Variants in TSG101 observed in about 807,000 individuals in gnomAD.
TSG101 encodes the protein tumor susceptibility gene 101 protein.
A neutral mutation model predicts 48.5 loss-of-function variants in TSG101; 19 were observed. The observed-to-expected ratio is 0.39, with a 90% CI of 0.27 to 0.58. The LOEUF (loss-of-function observed/expected upper bound fraction) is 0.58. Among genes scored for constraint, TSG101 ranks in the 20% least tolerant of loss-of-function variants. TSG101 has a pLI of 0.55. For missense variants in TSG101, 365 were observed against 484.4 expected, an observed-to-expected ratio of 0.75 and a Z score of 2.31; for synonymous variants, 174 against 169.4, an observed-to-expected ratio of 1.03 and a Z score of -0.21.
intron 7 of TSG101, among the ~76,000 whole-genome samples, chr11:18,492,146 T>C (rs1322197691): frequency 6.6e-6 from 1 of 152,230 alleles, no homozygotes; most frequent in Non-Finnish European, 1.5e-5. Flanking sequence ...AAGGCTGCAT[T>C]AGCAAAAGGA....
chr11:18,513,418 C>T (rs1477427705), intron 4 of TSG101, among the ~76,000 whole-genome samples: 1 of 152,036 alleles, frequency 6.6e-6, no homozygotes, highest in Non-Finnish European at 1.5e-5. Flanking sequence ...ACCTTAGCCT[C>T]CTGAGTAGCT....
chr11:18,488,350 T>C (rs1849650150), intron 7 of TSG101, among the ~76,000 whole-genome samples: 1 of 151,978 alleles, frequency 6.6e-6, no homozygotes, highest in East Asian at 1.9e-4. Flanking sequence ...ATGTTAAAGG[T>C]AGAGGGGTGA....
chr11:18,487,447 T>A (rs1344590527), intron 7 of TSG101, among the ~76,000 whole-genome samples: 1 of 152,004 alleles, frequency 6.6e-6, no homozygotes, highest in Non-Finnish European at 1.5e-5. Context: ...TTAGAAAAAA[T>A]GTAAAATGCA....
At position 18,520,139 on chromosome 11, in the gene TSG101, C is replaced by G. The variant is rs150568158; in HGVS notation, c.43-536G>C. 5.9e-3 allele frequency among the ~76,000 whole-genome samples: 900 copies of G among 152,322 alleles called. 9 individuals are homozygous for G. The highest frequency in any genetic ancestry group is 0.021 in the African/African-American group (868 of 41,556). On this transcript the variant is annotated intron_variant, in intron 1 of 9. Transcript: ENST00000251968. The stretch of plus-strand genomic sequence containing the variant: ...CTTTGTCTCTACAGATTTGCTTATT[C>G]ATACAATGTGATCTTTCATGACTAA...
intron 4 of TSG101, among the ~76,000 whole-genome samples, chr11:18,509,922 T>C (rs1478291118): frequency 6.6e-6 from 1 of 152,202 alleles, no homozygotes; most frequent in Non-Finnish European, 1.5e-5. Context: ...TAGAGTTTTG[T>C]TCTTCATTTG....
intron 5 of TSG101, 32 bp from the exon 6 acceptor site, chr11:18,506,955 A>C: frequency 6.4e-7 from 1 of 1,573,654 alleles, no homozygotes; most frequent in Non-Finnish European, 8.7e-7. Context: ...TTGTAAAAAT[A>C]ATATACAAGG....
chr11:18,505,994 T>G (rs1849965842), intron 6 of TSG101, among the ~76,000 whole-genome samples: 1 of 152,072 alleles, frequency 6.6e-6, no homozygotes, highest in African/African-American at 2.4e-5. Flanking sequence ...ATTTTGTATT[T>G]TTAGTAGAGA....
In TSG101 at chr11:18,514,752, T is replaced by C; in HGVS notation, c.283A>G (p.Met95Val). 1 of 1,597,686 alleles carries C rather than the reference T, an allele frequency of 6.3e-7. No homozygotes were observed. The highest frequency in any genetic ancestry group is 8.5e-7 in the Non-Finnish European group (1 of 1,174,578). Residue 95 changes from methionine (M) to valine (V), a missense_variant, in exon 4 of 10, where the codon ATG becomes GTG. Coordinates refer to ENST00000251968, the MANE Select transcript of TSG101 (RefSeq NM_006292.4). ...PICFVKPTSS[M>V]TIKTGKHVDA... ...ACATGCTTTCCTGTTTTAATAGTCA[T>C]TGAACTAGTAGGCTTAACAAAACAG...
At chr11:18,489,228 T>C (rs1849664277) in intron 7 of TSG101, among the ~76,000 whole-genome samples, 2 of 139,728 alleles carry the variant, frequency 1.4e-5, no homozygotes, top group South Asian at 4.4e-4. Flanking sequence ...CATCATTCTA[T>C]TTTTTTTTTT....
chr11:18,492,650 G>A (rs567798750), intron 7 of TSG101, among the ~76,000 whole-genome samples: 67 of 151,884 alleles, frequency 4.4e-4, no homozygotes, highest in Non-Finnish European at 7.9e-4. Context: ...GGCCTATAAA[G>A]GTCACAGTTC....
At chr11:18,521,745 C>T (rs796750031) in intron 1 of TSG101, among the ~76,000 whole-genome samples, 2 of 131,272 alleles carry the variant, frequency 1.5e-5, no homozygotes, top group South Asian at 5.1e-4. Flanking sequence ...GGTGTGATCT[C>T]AGTTCACTGC....
chr11:18,512,896 T>C (rs1410513538), intron 4 of TSG101, among the ~76,000 whole-genome samples: 1 of 151,778 alleles, frequency 6.6e-6, no homozygotes, highest in Non-Finnish European at 1.5e-5. Flanking sequence ...CCTGGCTAAT[T>C]TTTATATTTT....
chr11:18,526,736 G>GA, intron 1 of TSG101, 39 bp downstream of exon 1: 1 of 1,593,370 alleles, frequency 6.3e-7, no homozygotes, highest in Non-Finnish European at 8.5e-7. Flanking sequence ...GAAGGGAGCG[G>GA]TGGGCGCGCC....
chr11:18,486,696 G>A (rs534503801), intron 7 of TSG101, among the ~76,000 whole-genome samples: 42 of 151,718 alleles, frequency 2.8e-4, no homozygotes, highest in Non-Finnish European at 5.3e-4. Flanking sequence ...CAACCATTGT[G>A]GAAGTCAGTG....
chr11:18,521,782 T>C (rs1850282715), intron 1 of TSG101, among the ~76,000 whole-genome samples: 1 of 140,162 alleles, frequency 7.1e-6, no homozygotes, highest in Admixed American at 7.9e-5. Context: ...GCTCAAGCAA[T>C]CCTCCCATCT....
intron 7 of TSG101, among the ~76,000 whole-genome samples, chr11:18,486,931 T>C (rs1436170146): frequency 1.3e-5 from 2 of 151,802 alleles, no homozygotes; most frequent in East Asian, 3.9e-4. Context: ...TGGAATACTA[T>C]GCAGCCATAA....
At chr11:18,522,118 T>C (rs1025113016) in intron 1 of TSG101, among the ~76,000 whole-genome samples, 13 of 152,250 alleles carry the variant, frequency 8.5e-5, no homozygotes, top group African/African-American at 2.7e-4. Flanking sequence ...GGCTAAGTCC[T>C]TGGTCTTCTT....
In TSG101 at chr11:18,519,419, A is replaced by G. The variant is rs1205626658; in HGVS notation, c.127+100T>C. The G allele has an allele frequency of 7.2e-6, 7 of 971,626 alleles. No homozygotes were observed. In the East Asian group the frequency reaches 1.5e-4, roughly 21 times the overall value. The allele number at this position is 971,626 out of a possible 1,614,324, so 60.2% of individuals were successfully genotyped here. A position where few individuals can be genotyped will look rare whatever the true frequency, so the allele number is the denominator to read the frequency against. ...TATTAGGCGGTGGTGCAATCCCACA[A>G]TTGAAAAATCCACAAACCTCAAATG... is the stretch of plus-strand genomic sequence containing the variant. On this transcript the variant is annotated intron_variant, in intron 2 of 9. Coordinates refer to ENST00000251968, the MANE Select transcript of TSG101 (RefSeq NM_006292.4).
intron 7 of TSG101, chr11:18,490,406 CT>C: frequency 5.1e-6 from 3 of 591,228 alleles, no homozygotes; most frequent in Non-Finnish European, 6.5e-6. Context: ...GGCTGCAGGC[CT>C]TTTCAGTAGA....
Sources: allele counts gnomAD v4.1 joint callset (sites outside exome capture counted in the v4.1 genomes callset), GRCh38; gene constraint gnomAD v4.1.1; transcripts MANE v1.5; gene names NCBI Gene and HGNC (gene_info 2026-07-23, HGNC 2026-07-21).